MAP3K20: variants seen among roughly 807,000 people sequenced by gnomAD.
MAP3K20 encodes HCCS-4.
In MAP3K20, 40 loss-of-function variants were observed where a neutral mutation model predicts 85.7. The observed-to-expected ratio is 0.47, with a 90% CI of 0.36 to 0.61. MAP3K20 has a LOEUF of 0.61. Ranked by LOEUF, MAP3K20 falls within the 20% of genes least tolerant of loss-of-function variation. MAP3K20 has a pLI of 0.00. For missense variants in MAP3K20, 817 were observed against 961.7 expected (o/e 0.85, Z 1.99); for synonymous variants, 325 against 327.7 (o/e 0.99, Z 0.09).
intron 2 of MAP3K20, among the ~76,000 whole-genome samples, chr2:173,121,222 G>T (rs1005800667): frequency 1.3e-5 from 2 of 152,144 alleles, no homozygotes; most frequent in Non-Finnish European, 2.9e-5. Context: ...GGGATATGGG[G>T]TGAGACTACT....
intron 12 of MAP3K20, among the ~76,000 whole-genome samples, 163 bp downstream of exon 12, chr2:173,229,896 T>A (rs531293501): frequency 2.0e-5 from 3 of 152,310 alleles, no homozygotes; most frequent in Admixed American, 1.3e-4. Flanking sequence ...AGTGGTGCGA[T>A]CTCAGCTCAC....
At chr2:173,087,621 CAG>C (rs1687178408) in intron 1 of MAP3K20, among the ~76,000 whole-genome samples, 1 of 152,014 alleles carries the variant, frequency 6.6e-6, no homozygotes, top group Admixed American at 6.5e-5. Context: ...TAAAAGCTTT[CAG>C]AGAGGAAAAA....
At chr2:173,196,455 A>G (rs1290438261) in intron 7 of MAP3K20, among the ~76,000 whole-genome samples, 1 of 152,154 alleles carries the variant, frequency 6.6e-6, no homozygotes, top group Non-Finnish European at 1.5e-5. Flanking sequence ...TGTGACTCAA[A>G]TAGAATTATT....
intron 10 of MAP3K20, chr2:173,210,347 TC>T: frequency 6.6e-6 from 1 of 150,632 alleles, no homozygotes; most frequent in South Asian, 2.1e-4. Context: ...AGTGAAAAAC[TC>T]CATCTCAAAA....
intron 3 of MAP3K20, among the ~76,000 whole-genome samples, chr2:173,179,228 C>T (rs1307276055): frequency 6.6e-6 from 1 of 151,844 alleles, no homozygotes; most frequent in Non-Finnish European, 1.5e-5. Flanking sequence ...CCCGTCTCTA[C>T]TAAAAACACA....
intron 8 of MAP3K20, among the ~76,000 whole-genome samples, chr2:173,201,565 G>A (rs913820018): frequency 6.6e-6 from 1 of 152,128 alleles, no homozygotes; most frequent in East Asian, 1.9e-4. Flanking sequence ...TACATCTTAT[G>A]TAGAAAATGG....
At chr2:173,107,667 A>G (rs1687822020) in intron 2 of MAP3K20, among the ~76,000 whole-genome samples, 1 of 152,242 alleles carries the variant, frequency 6.6e-6, no homozygotes, top group Admixed American at 6.5e-5. Flanking sequence ...AGACAGGTGT[A>G]GATTCAGATG....
intron 2 of MAP3K20, among the ~76,000 whole-genome samples, chr2:173,153,603 T>C (rs939246702): frequency 6.6e-6 from 1 of 152,204 alleles, no homozygotes; most frequent in African/African-American, 2.4e-5. Context: ...TATGGGAAAG[T>C]AGTGATTCTT....
At chr2:173,236,262 T>C (rs1423193571) in intron 14 of MAP3K20, among the ~76,000 whole-genome samples, 1 of 80,476 alleles carries the variant, frequency 1.2e-5, no homozygotes, top group Non-Finnish European at 2.3e-5. Flanking sequence ...AGTGAGACCC[T>C]GTCTAAAAAA....
intron 2 of MAP3K20, among the ~76,000 whole-genome samples, chr2:173,154,987 G>A (rs1416877972): frequency 6.6e-6 from 1 of 152,182 alleles, no homozygotes; most frequent in Admixed American, 6.5e-5. Flanking sequence ...AGTTTGAGAA[G>A]GAGGGAAGGG....
At chr2:173,211,807 G>C (rs1407792339) in intron 10 of MAP3K20, 1 of 152,304 alleles carries the variant, frequency 6.6e-6, no homozygotes, top group Non-Finnish European at 1.5e-5. Context: ...CCAGCTACTT[G>C]GGAGGCTGAG....
chr2:173,206,973 A>G (rs888449103), intron 9 of MAP3K20, among the ~76,000 whole-genome samples: 2 of 143,566 alleles, frequency 1.4e-5, no homozygotes, highest in Non-Finnish European at 3.0e-5. Flanking sequence ...GAGTATTAAC[A>G]AACATCTAGA....
intron 2 of MAP3K20, among the ~76,000 whole-genome samples, chr2:173,105,074 G>A (rs1327515723): frequency 6.6e-6 from 1 of 152,232 alleles, no homozygotes; most frequent in Non-Finnish European, 1.5e-5. Context: ...ACCTAAATTG[G>A]AAGGAAATGG....
intron 2 of MAP3K20, among the ~76,000 whole-genome samples, chr2:173,095,187 A>T (rs570075042): frequency 1.3e-5 from 2 of 152,318 alleles, no homozygotes; most frequent in East Asian, 3.9e-4. Flanking sequence ...TTTAGCAAGT[A>T]AGAGCTCTTT....
At chr2:173,130,593 C>T (rs905377813) in intron 2 of MAP3K20, among the ~76,000 whole-genome samples, 4 of 149,936 alleles carry the variant, frequency 2.7e-5, no homozygotes, top group Admixed American at 6.6e-5. Context: ...TTTAAATGCA[C>T]GTTCACTAAA....
rs200739044 is a variant in MAP3K20, at chr2:173,258,685, G to A, written c.1360-14G>A. On this transcript the variant is annotated splice_polypyrimidine_tract_variant and intron_variant, in intron 16 of 19. Coordinates refer to ENST00000375213, the MANE Select transcript of MAP3K20 (RefSeq NM_016653.3). The stretch of plus-strand genomic sequence containing the variant: ...TCACTTTCTCAAATTCTGTAATTTT[G>A]TTTTTAATTCCAGGATTGTAAGTGG... 1 of 1,344,076 alleles carries A rather than the reference G, an allele frequency of 7.4e-7. No homozygotes were observed. The highest frequency in any genetic ancestry group is 2.3e-5 in the Admixed American group (1 of 43,524). 83.3% of individuals were successfully genotyped at this position (1,344,076 alleles called of 1,614,324 possible). A position where few individuals can be genotyped will look rare whatever the true frequency, so the allele number is the denominator to read the frequency against.
intron 2 of MAP3K20, among the ~76,000 whole-genome samples, chr2:173,107,337 G>A (rs572752244): frequency 1.3e-5 from 2 of 152,262 alleles, no homozygotes; most frequent in East Asian, 3.9e-4. Flanking sequence ...TTAGAGAAGA[G>A]GTTCAGGATA....
intron 16 of MAP3K20, among the ~76,000 whole-genome samples, chr2:173,243,679 G>A (rs1447140389): frequency 1.3e-5 from 2 of 152,138 alleles, no homozygotes; most frequent in Non-Finnish European, 2.9e-5. Context: ...GTGCAGTGGC[G>A]CTATCTCGGC....
rs565520219 is a variant in MAP3K20 at position 173,133,217 on chromosome 2, A to G, written c.160-36588A>G. Reference sequence around the variant, plus strand: ...GTAAACATCTGAGTCCTTTACCTAAAGAAGCTTGTATCAGTGTTTTTATCC... The same window carrying G: ...GTAAACATCTGAGTCCTTTACCTAAGGAAGCTTGTATCAGTGTTTTTATCC... On this transcript the variant is annotated intron_variant, in intron 2 of 19. Transcript: ENST00000375213. 1.7e-4 allele frequency among the ~76,000 whole-genome samples: 26 copies of G among 152,364 alleles called. No individual in the cohort carries two copies. The East Asian group carries it at 4.8e-3, about 28-fold the overall frequency.
Sources: allele counts gnomAD v4.1 joint callset (sites outside exome capture counted in the v4.1 genomes callset), GRCh38; gene constraint gnomAD v4.1.1; transcripts MANE v1.5; gene names NCBI Gene and HGNC (gene_info 2026-07-23, HGNC 2026-07-21).